Variants in NCALD observed in about 807,000 individuals in gnomAD.
NCALD encodes neurocalcin delta.
Under a neutral mutation model 18.6 loss-of-function variants are expected in NCALD, and 10 were observed. That is an observed-to-expected ratio of 0.54 (90% confidence interval 0.33 to 0.91). The LOEUF (loss-of-function observed/expected upper bound fraction) is 0.91. Ranked by LOEUF, NCALD falls within the 40% of genes least tolerant of loss-of-function variation. The pLI is 0.03. For synonymous variants in NCALD, 88 were observed against 87.4 expected (o/e 1.01, Z -0.04); for missense variants, 184 against 247.6 (o/e 0.74, Z 1.72).
chr8:101,906,699 T>C (rs964303351), intron 3 of NCALD, among the ~76,000 whole-genome samples: 1 of 152,216 alleles, frequency 6.6e-6, no homozygotes, highest in African/African-American at 2.4e-5. Flanking sequence ...CATGAGATCA[T>C]AGTTAAACTA....
chr8:102,008,917 T>TACACACACACACACAC (rs761346653), intron 2 of NCALD, among the ~76,000 whole-genome samples: 27 of 38,540 alleles, frequency 7.0e-4, no homozygotes, highest in African/African-American at 2.8e-3. Flanking sequence ...CCCGCCCCCC[T>TACACACACACACACAC]ACACACACAC....
intron 3 of NCALD, among the ~76,000 whole-genome samples, chr8:101,913,553 T>C (rs1279315619): frequency 6.6e-6 from 1 of 152,214 alleles, no homozygotes; most frequent in African/African-American, 2.4e-5. Context: ...ATTTTTGTTG[T>C]TTTTGGTTTT....
intron 2 of NCALD, among the ~76,000 whole-genome samples, chr8:101,710,041 G>C (rs1815711448): frequency 1.3e-5 from 2 of 152,234 alleles, no homozygotes; most frequent in African/African-American, 2.4e-5. Flanking sequence ...CAACGCAGAA[G>C]ATGGGTGATT....
At chr8:101,979,204 T>C (rs533559520) in intron 2 of NCALD, among the ~76,000 whole-genome samples, 1 of 152,282 alleles carries the variant, frequency 6.6e-6, no homozygotes, top group South Asian at 2.1e-4. Context: ...TAGTAAGTAA[T>C]CAGGAGGGCA....
intron 1 of NCALD, among the ~76,000 whole-genome samples, chr8:102,065,534 G>A (rs1338556867): frequency 6.6e-6 from 1 of 152,186 alleles, no homozygotes; most frequent in African/African-American, 2.4e-5. Context: ...TCAGGGCATT[G>A]AGGCTGCACA....
chr8:101,927,722 C>A (rs904312128), intron 2 of NCALD, among the ~76,000 whole-genome samples: 2 of 152,126 alleles, frequency 1.3e-5, no homozygotes, highest in African/African-American at 2.4e-5. Context: ...GAAATTCAGG[C>A]AGTTGTGTCT....
chr8:101,742,682 G>T (rs903102404), intron 1 of NCALD, among the ~76,000 whole-genome samples: 8 of 152,028 alleles, frequency 5.3e-5, no homozygotes, highest in Admixed American at 1.3e-4. Flanking sequence ...TTAAGTTTAG[G>T]TTCCAGGATA....
Position 101,836,150 on chromosome 8 carries a change from C to T in NCALD, c.-20+50991G>A, listed in dbSNP as rs558719025. Among the ~76,000 whole-genome samples the T allele has an allele frequency of 3.9e-5, 6 of 152,220 alleles. No individual in the cohort carries two copies. The East Asian group carries it at 5.8e-4, about 15-fold the overall frequency. ...GAGCCAGGATAAACACCATCAAATA[C>T]AAGAAGGAGATAAAGACAGACAGTG... On this transcript the variant is annotated intron_variant, in intron 4 of 6. Coordinates refer to the NCALD transcript ENST00000311028.
chr8:101,742,630 AGT>A (rs1810253374), intron 1 of NCALD, among the ~76,000 whole-genome samples: 1 of 152,212 alleles, frequency 6.6e-6, no homozygotes, highest in Non-Finnish European at 1.5e-5. Flanking sequence ...TTATGTATAT[AGT>A]TTGATAAACT....
chr8:101,952,232 A>G (rs1291599613), intron 2 of NCALD, among the ~76,000 whole-genome samples: 2 of 152,170 alleles, frequency 1.3e-5, no homozygotes, highest in African/African-American at 2.4e-5. Context: ...GAATGCAAGT[A>G]CAGGACTCCA....
chr8:102,000,720 A>G (rs984902283), intron 2 of NCALD, among the ~76,000 whole-genome samples: 2 of 152,202 alleles, frequency 1.3e-5, no homozygotes, highest in Admixed American at 6.5e-5. Context: ...CTGTTCACCA[A>G]TATCTGCTGT....
intron 3 of NCALD, among the ~76,000 whole-genome samples, chr8:101,906,911 T>C (rs1817628970): frequency 6.6e-6 from 1 of 152,234 alleles, no homozygotes; most frequent in Non-Finnish European, 1.5e-5. Flanking sequence ...TTTAATGCAA[T>C]GTTTTAAAGA....
intron 1 of NCALD, among the ~76,000 whole-genome samples, chr8:101,757,447 T>G (rs1424296910): frequency 6.6e-6 from 1 of 152,178 alleles, no homozygotes; most frequent in Non-Finnish European, 1.5e-5. Flanking sequence ...AGACAACTAC[T>G]CATAGAGGGC....
chr8:101,730,349 G>A (rs959617564), intron 1 of NCALD, among the ~76,000 whole-genome samples: 1 of 151,734 alleles, frequency 6.6e-6, no homozygotes, highest in Non-Finnish European at 1.5e-5. Context: ...GGGTGGTGGT[G>A]CAAGCCTGTA....
intron 2 of NCALD, among the ~76,000 whole-genome samples, chr8:101,990,209 C>G (rs1005254237): frequency 1.3e-5 from 2 of 152,178 alleles, no homozygotes; most frequent in Non-Finnish European, 2.9e-5. Context: ...ACAGTCTCAA[C>G]CTGTAAAAAG....
intron 2 of NCALD, among the ~76,000 whole-genome samples, chr8:101,988,370 G>C (rs1820908901): frequency 6.6e-6 from 1 of 152,154 alleles, no homozygotes; most frequent in African/African-American, 2.4e-5. Flanking sequence ...TGAAGCAGTA[G>C]AGTAGGGCAG....
intron 2 of NCALD, among the ~76,000 whole-genome samples, chr8:101,716,308 G>A (rs987965982): frequency 1.3e-5 from 2 of 151,970 alleles, no homozygotes; most frequent in African/African-American, 2.4e-5. Context: ...AACACACACC[G>A]GGGCCTGTTG....
At chr8:101,848,622 G>C (rs989416830) in intron 4 of NCALD, among the ~76,000 whole-genome samples, 1 of 152,168 alleles carries the variant, frequency 6.6e-6, no homozygotes, top group Non-Finnish European at 1.5e-5. Flanking sequence ...TTTAATGTTT[G>C]ATTGCTTTCG....
intron 1 of NCALD, among the ~76,000 whole-genome samples, chr8:102,118,817 C>T (rs1825864217): frequency 6.6e-6 from 1 of 152,178 alleles, no homozygotes; most frequent in African/African-American, 2.4e-5. Context: ...TTCCCCATGA[C>T]CCTAGAATGA....
Sources: gnomAD v4.1 joint callset for allele counts (sites outside exome capture counted in the v4.1 genomes callset) on GRCh38, gnomAD v4.1.1 for gene constraint, MANE v1.5 for transcripts, NCBI Gene and HGNC (gene_info 2026-07-23, HGNC 2026-07-21) for gene names.